FAN1: variants seen among roughly 807,000 people sequenced by gnomAD.
The protein encoded by FAN1 is fanconi-associated nuclease 1.
A neutral mutation model predicts 104.9 loss-of-function variants in FAN1; 91 were observed. The observed-to-expected ratio is 0.87, with a 90% CI of 0.73 to 1.03. The LOEUF (loss-of-function observed/expected upper bound fraction) is 1.03. FAN1 is among the 50% of genes least tolerant of loss of function. The pLI is 0.00. For synonymous variants in FAN1, 478 were observed against 457.6 expected, an observed-to-expected ratio of 1.04 and a Z score of -0.57; for missense variants, 1,263 against 1,239.9, an observed-to-expected ratio of 1.02 and a Z score of -0.28.
Position 30,904,881 on chromosome 15 carries a change from A to T in FAN1, c.218A>T (p.Asp73Val), listed in dbSNP as rs201860403. 6.2e-7 allele frequency: 1 copy of T among 1,613,992 alleles called. No individual in the cohort carries two copies. Among genetic ancestry groups the T allele is most frequent in the African/African-American group, 1.3e-5 (1 of 75,062 alleles). ...GCTAACAATGACTTCGTTCAAGTGGATCCAGGGCAGGTTGGCTTAATAAAT... is the reference window on the plus strand; with the variant it reads ...GCTAACAATGACTTCGTTCAAGTGGTTCCAGGGCAGGTTGGCTTAATAAAT... ...MCANNDFVQV[D>V]PGQVGLINSN... Residue 73 changes from aspartate (D) to valine (V), a missense_variant, in exon 2 of 15, where the codon GAT becomes GTT. By Grantham distance (152) the Asp-to-Val change is radical. This residue lies in a region of FAN1 where 682 missense variants were observed against 571.1 expected (regional missense o/e 1.19). Transcript: ENST00000362065.
At chr15:30,937,447 CTTTTTT>C (rs11317050) in intron 14 of FAN1, among the ~76,000 whole-genome samples, 188 bp downstream of exon 14, 2 of 78,980 alleles carry the variant, frequency 2.5e-5, no homozygotes, top group African/African-American at 1.0e-4. Flanking sequence ...GGGTAATAAA[CTTTTTT>C]TTTTTTTTTT....
At chr15:30,911,149 T>C (rs1007917957) in intron 4 of FAN1, 5 of 1,059,476 alleles carry the variant, frequency 4.7e-6, no homozygotes, top group Non-Finnish European at 4.6e-6. Flanking sequence ...ATTTTTATTT[T>C]AGTTTTTGTT....
intron 14 of FAN1, chr15:30,940,658 G>A: frequency 2.0e-6 from 2 of 986,620 alleles, no homozygotes; most frequent in African/African-American, 1.7e-5. Flanking sequence ...GCACCCCAGA[G>A]GCCACTCCCC....
intron 14 of FAN1, chr15:30,939,776 G>C: frequency 1.0e-6 from 1 of 985,244 alleles, no homozygotes; most frequent in Non-Finnish European, 1.2e-6. Context: ...TCAATGGCAG[G>C]ATACGCTGTG....
At position 30,906,855 on chromosome 15, in the gene FAN1, G is replaced by T. The variant is rs574268479; in HGVS notation, c.1234+958G>T. ...AGAAGATGGACATAATAGCACATTG[G>T]CTTTTCTATCCAAACTAGTCACAGA... On this transcript the variant is annotated intron_variant, in intron 2 of 14. Transcript: ENST00000362065. Among the ~76,000 whole-genome samples the T allele has an allele frequency of 9.9e-4, 151 of 152,212 alleles. 1 individual carries two copies. Among genetic ancestry groups the T allele is most frequent in the Non-Finnish European group, 1.5e-4 (10 of 68,012 alleles).
At chr15:30,931,341 G>A (rs1566932940) in intron 13 of FAN1, among the ~76,000 whole-genome samples, 3 of 152,136 alleles carry the variant, frequency 2.0e-5, no homozygotes, top group African/African-American at 4.8e-5. Context: ...CTGGATACAA[G>A]TCCTTTATCA....
chr15:30,918,023 A>C, intron 5 of FAN1, 141 bp from the exon 6 acceptor site: 1 of 765,488 alleles, frequency 1.3e-6, no homozygotes, highest in Non-Finnish European at 2.1e-6. Context: ...AAGATAAATT[A>C]TTATTAGAAT....
chr15:30,918,387 C>T, intron 6 of FAN1, 92 bp downstream of exon 6: 1 of 1,310,282 alleles, frequency 7.6e-7, no homozygotes, highest in Non-Finnish European at 1.1e-6. Context: ...GAATATACTC[C>T]TTTTTCTCTG....
rs766068846 is a variant in FAN1 at position 30,904,817 on chromosome 15, C to T, written c.154C>T (p.Pro52Ser). Residue 52 changes from proline to serine, a missense_variant, in exon 2 of 15, where the codon CCT (proline) becomes TCT (serine). Physicochemically the swap from Pro to Ser is moderately conservative, Grantham distance 74. Transcript: ENST00000362065. ...LACPVCSKMV[P>S]RYDLNRHLDE... ...CTGCCCCGTTTGCAGTAAAATGGTG[C>T]CTAGATATGACTTAAACCGGCACCT... The T allele has an allele frequency of 3.7e-6, 6 of 1,613,442 alleles. No homozygotes were observed. The highest frequency in any genetic ancestry group is 4.5e-5 in the East Asian group (2 of 44,872).
intron 10 of FAN1, among the ~76,000 whole-genome samples, chr15:30,926,174 A>T (rs1460064414): frequency 6.6e-6 from 1 of 152,176 alleles, no homozygotes; most frequent in African/African-American, 2.4e-5. Flanking sequence ...AAAACTTATA[A>T]AAGTTATGGA....
intron 9 of FAN1, 125 bp downstream of exon 9, chr15:30,925,416 G>A (rs766920805): frequency 8.5e-6 from 8 of 938,988 alleles, no homozygotes; most frequent in South Asian, 3.4e-5. Context: ...TCTAAAACTC[G>A]TTTTGGACGG....
At chr15:30,917,484 T>C (rs1246760136) in intron 5 of FAN1, among the ~76,000 whole-genome samples, 1 of 152,222 alleles carries the variant, frequency 6.6e-6, no homozygotes, top group African/African-American at 2.4e-5. Flanking sequence ...ATTTCTTTAC[T>C]CTTACTTTAC....
At chr15:30,924,307 CCT>C (rs1461656390) in intron 8 of FAN1, among the ~76,000 whole-genome samples, 5 of 152,168 alleles carry the variant, frequency 3.3e-5, no homozygotes, top group African/African-American at 1.2e-4. Context: ...GCTGCATGAA[CCT>C]CTGTTTCAGT....
chr15:30,908,405 A>C, intron 3 of FAN1, 147 bp downstream of exon 3: 1 of 610,606 alleles, frequency 1.6e-6, no homozygotes, highest in Non-Finnish European at 2.7e-6. Context: ...ATCTTAGGAC[A>C]ACAAATTACT....
At chr15:30,909,502 G>A (rs187319957) in intron 3 of FAN1, among the ~76,000 whole-genome samples, 4 of 152,198 alleles carry the variant, frequency 2.6e-5, no homozygotes, top group African/African-American at 7.2e-5. Context: ...TGCAGCTTCC[G>A]TAAATTCATA....
chr15:30,942,979 C>G lies in FAN1; in HGVS notation c.*1417C>G. 1 of 1,555,264 alleles carries G rather than the reference C, an allele frequency of 6.4e-7. No homozygotes were observed. The highest frequency in any genetic ancestry group is 1.2e-5 in the South Asian group (1 of 84,356). On this transcript the variant is annotated 3_prime_UTR_variant, in exon 15 of 15. Coordinates refer to ENST00000362065, the MANE Select transcript of FAN1 (RefSeq NM_014967.5). ...AAGGGGTTATGGAAAAGGGTGCGAT[C>G]CTTTGCTGTAAACTGGAGAGACCAG...
intron 3 of FAN1, among the ~76,000 whole-genome samples, chr15:30,909,778 C>T (rs1247848786): frequency 1.3e-5 from 2 of 152,220 alleles, no homozygotes; most frequent in Non-Finnish European, 1.5e-5. Flanking sequence ...CAGTTTCCAC[C>T]ACGTGGCCAC....
In FAN1 at chr15:30,910,621, G is replaced by A; in HGVS notation, c.1383G>A (p.Glu461=). ...TTTTTTTAACCATTTCAGAATCTGA[G>A]TTGCAAGAACTCTCTGAAGTGCTTG... ...TNAGFLQTES[E]LQELSEVLEL... The change falls in exon 4 of 15, where the codon GAG becomes GAA. Residue 461 remains glutamate (E), a synonymous_variant. Transcript: ENST00000362065. 1.3e-6 allele frequency: 2 copies of A among 1,549,472 alleles called. No individual in the cohort carries two copies. Among genetic ancestry groups the A allele is most frequent in the Non-Finnish European group, 8.7e-7 (1 of 1,148,008 alleles).
intron 8 of FAN1, among the ~76,000 whole-genome samples, chr15:30,924,760 A>T (rs1277649428): frequency 7.0e-6 from 1 of 142,966 alleles, no homozygotes; most frequent in East Asian, 2.1e-4. Flanking sequence ...CCGGGGTGGG[A>T]CACATGTTTT....
Sources: gnomAD v4.1 joint callset for allele counts (sites outside exome capture counted in the v4.1 genomes callset) on GRCh38, gnomAD v4.1.1 for gene constraint, gnomAD v4.1.1 regional missense constraint, MANE v1.5 for transcripts, NCBI Gene and HGNC (gene_info 2026-07-23, HGNC 2026-07-21) for gene names.